The following ATG9A variants were observed in gnomAD, a reference collection of about 807,000 sequenced individuals.
ATG9A encodes autophagy-related protein 9A.
A neutral mutation model predicts 87.1 loss-of-function variants in ATG9A; 21 were observed. That is an observed-to-expected ratio of 0.24 (90% confidence interval 0.17 to 0.35). The LOEUF (loss-of-function observed/expected upper bound fraction) is 0.35, where lower values mean the gene tolerates loss of function less well. ATG9A is among the 10% of genes least tolerant of loss of function. The pLI, the probability that ATG9A is intolerant of heterozygous loss-of-function variation, is 1.00. For synonymous variants in ATG9A, 422 were observed against 441.3 expected (o/e 0.96, Z 0.55); for missense variants, 836 against 1,107.3 (o/e 0.76, Z 3.48).
chr2:219,222,248 C>T lies in ATG9A; in HGVS notation c.2027+24G>A. ...AGCTGCTGAGGGCTGCCGTGCCCTCCCATCTTGGCCCCGATTTACTCACCC... is the reference window on the plus strand; with the variant it reads ...AGCTGCTGAGGGCTGCCGTGCCCTCTCATCTTGGCCCCGATTTACTCACCC... On this transcript the variant is annotated intron_variant, in intron 12 of 15. Transcript: ENST00000361242. The surrounding 1 kb of genome is among the most constrained non-coding windows in gnomAD (Gnocchi z 4.3). 6.2e-7 allele frequency: 1 copy of T among 1,613,486 alleles called. No individual in the cohort carries two copies. The highest frequency in any genetic ancestry group is 1.1e-5 in the South Asian group (1 of 91,068).
rs1574827738 is a variant in ATG9A, at chr2:219,222,527, G to A, written c.1849-77C>T. The A allele has an allele frequency of 9.0e-6, 14 of 1,560,310 alleles. No individual in the cohort carries two copies. In the East Asian group the frequency reaches 2.7e-4, roughly 30 times the overall value. On this transcript the variant is annotated intron_variant, in intron 11 of 15. Coordinates refer to ENST00000361242, the MANE Select transcript of ATG9A (RefSeq NM_001077198.3). This position sits in a 1 kb window ranked among gnomAD's most constrained non-coding sequence, Gnocchi z 4.3. ...GGGTCCCCTAGTATTCTGTATCTCAGGCCCCAGTGGCACATACTGAAGAGA... is the reference window on the plus strand; with the variant it reads ...GGGTCCCCTAGTATTCTGTATCTCAAGCCCCAGTGGCACATACTGAAGAGA...
intron 13 of ATG9A, 146 bp from the exon 14 acceptor site, chr2:219,221,448 A>C: frequency 1.4e-6 from 1 of 707,178 alleles, no homozygotes; most frequent in South Asian, 2.2e-5. Context: ...ATAGTGTGTA[A>C]TATACCTCTG....
In ATG9A at chr2:219,222,488, G is replaced by T; in HGVS notation, c.1849-38C>A. The stretch of plus-strand genomic sequence containing the variant: ...CGGGTAGGTAGAATTCTTGAGGCAA[G>T]AGAAAGGTCTCTGGGGTCCCCTAGT... On this transcript the variant is annotated intron_variant, in intron 11 of 15. Coordinates refer to ENST00000361242, the MANE Select transcript of ATG9A (RefSeq NM_001077198.3). The surrounding 1 kb of genome is among the most constrained non-coding windows in gnomAD (Gnocchi z 4.3). 6.5e-7 allele frequency: 1 copy of T among 1,543,346 alleles called. No homozygotes were observed. Among genetic ancestry groups the T allele is most frequent in the South Asian group, 1.3e-5 (1 of 79,056 alleles).
rs1222985719 is a variant in ATG9A, at chr2:219,220,454, T to C, written c.2515-2A>G. ...AACCCTGCTCAGCCTTGTCTATACC[T>C]GTGGGGAGAAAGGGTTGGTAATGGA... On this transcript the variant is annotated splice_acceptor_variant, in intron 15 of 15. Transcript: ENST00000361242. LOFTEE classifies it high-confidence loss of function. The C allele has an allele frequency of 6.2e-7, 1 of 1,613,636 alleles. No homozygotes were observed. Among genetic ancestry groups the C allele is most frequent in the Non-Finnish European group, 8.5e-7 (1 of 1,179,744 alleles).
In ATG9A at chr2:219,227,935, G is replaced by A. The variant is rs774573448; in HGVS notation, c.90C>T (p.Ala30=). The change falls in exon 3 of 16, where the codon GCC becomes GCT. Residue 30 remains alanine, a synonymous_variant. Transcript: ENST00000361242. ...PGEEDLLVHV[A]EGSKSPWHHI... ...CCAAGAACTCACACTTGCTCCCCTC[G>A]GCGACGTGCACCAACAGGTCCTCCT... 2.0e-5 allele frequency: 33 copies of A among 1,613,914 alleles called. No individual in the cohort carries two copies. Among genetic ancestry groups the A allele is most frequent in the African/African-American group, 5.3e-5 (4 of 74,866 alleles).
rs545980763 is a variant in ATG9A, at chr2:219,222,300, G to A, written c.1999C>T (p.Arg667Trp). The A allele has an allele frequency of 3.0e-5, 48 of 1,613,420 alleles. No homozygotes were observed. In the South Asian group the frequency reaches 4.2e-4, roughly 14 times the overall value. Residue 667 changes from arginine (R) to tryptophan (W), a missense_variant, in exon 12 of 16, where the codon CGG becomes TGG. Physicochemically the swap from Arg to Trp is moderately radical, Grantham distance 101. Coordinates refer to ENST00000361242, the MANE Select transcript of ATG9A (RefSeq NM_001077198.3). The surrounding 1 kb of genome is among the most constrained non-coding windows in gnomAD (Gnocchi z 4.3). ...PLQPGQAPTGRAHSTMTGSGV... is the reference protein window; with the variant it reads ...PLQPGQAPTGWAHSTMTGSGV... ...GAGCCTGTCATGGTGCTGTGAGCCC[G>A]GCCTGTGGGCGCCTGCCCGGGTTGC...
At chr2:219,221,442 T>C (rs969726897) in intron 13 of ATG9A, 140 bp from the exon 14 acceptor site, 36 of 731,126 alleles carry the variant, frequency 4.9e-5, no homozygotes, top group African/African-American at 4.9e-4. Flanking sequence ...ATGTTAATAG[T>C]GTGTAATATA....
At chr2:219,225,680 A>G (rs2106443065) in intron 5 of ATG9A, 108 bp from the exon 6 acceptor site, 1 of 1,266,022 alleles carries the variant, frequency 7.9e-7, no homozygotes, top group Non-Finnish European at 1.1e-6. Context: ...GGGAACTGGA[A>G]GGGCCTGGAG....
At position 219,225,034 on chromosome 2, in the gene ATG9A, T is replaced by C. The variant is rs377360716; in HGVS notation, c.516+37A>G. The C allele has an allele frequency of 1.1e-5, 18 of 1,612,928 alleles. No individual in the cohort carries two copies. The African/African-American group carries it at 2.1e-4, about 19-fold the overall frequency. Reference sequence around the variant, plus strand: ...TACACCCACACCTCCCAATACGTCTTAGACTATGGGCTAACTGCCCAACTT... The same window carrying C: ...TACACCCACACCTCCCAATACGTCTCAGACTATGGGCTAACTGCCCAACTT... On this transcript the variant is annotated intron_variant, in intron 7 of 15. Transcript: ENST00000361242.
rs759788984 is a variant in ATG9A, at chr2:219,226,973, G to C, written c.148-40C>G. ...AAAAAGTAGTCAGTAAAGAAAGCAG[G>C]TAAGAGCACAGACTTTGGTGTCAAC... On this transcript the variant is annotated intron_variant, in intron 4 of 15. Coordinates refer to ENST00000361242, the MANE Select transcript of ATG9A (RefSeq NM_001077198.3). The C allele has an allele frequency of 1.3e-6, 2 of 1,543,644 alleles. 1 individual carries two copies. Among genetic ancestry groups the C allele is most frequent in the South Asian group, 2.2e-5 (2 of 89,632 alleles).
Position 219,222,885 on chromosome 2 carries a change from A to G in ATG9A, c.1608T>C (p.Ser536=). The G allele has an allele frequency of 6.2e-7, 1 of 1,614,052 alleles. No homozygotes were observed. The highest frequency in any genetic ancestry group is 1.3e-5 in the African/African-American group (1 of 75,046). Residue 536 remains serine (S), a synonymous_variant, in exon 11 of 16, where the codon TCT becomes TCC. Transcript: ENST00000361242. This position sits in a 1 kb window ranked among gnomAD's most constrained non-coding sequence, Gnocchi z 4.3. ...ACACTGAGGCCTCTGTCTGCCCAGC[A>G]GATAGCCACTGCACAAGGAAGAGCA... The part of the protein sequence containing the change: ...VRQHGHPQWL[S]AGQTEASVYQ...
Position 219,222,490 on chromosome 2 carries a change from G to T in ATG9A, c.1849-40C>A. The T allele has an allele frequency of 3.2e-6, 5 of 1,543,530 alleles. No individual in the cohort carries two copies. Among genetic ancestry groups the T allele is most frequent in the Non-Finnish European group, 4.4e-6 (5 of 1,146,098 alleles). On this transcript the variant is annotated intron_variant, in intron 11 of 15. Transcript: ENST00000361242. This position sits in a 1 kb window ranked among gnomAD's most constrained non-coding sequence, Gnocchi z 4.3. ...GGTAGGTAGAATTCTTGAGGCAAGA[G>T]AAAGGTCTCTGGGGTCCCCTAGTAT... is the stretch of plus-strand genomic sequence containing the variant.
rs1439030890 is a variant in ATG9A at position 219,222,666 on chromosome 2, C to T, written c.1827G>A (p.Gln609=). 2.5e-6 allele frequency: 4 copies of T among 1,614,194 alleles called. No individual in the cohort carries two copies. In the Admixed American group the frequency reaches 6.7e-5, roughly 27 times the overall value. The part of the protein sequence containing the change: ...LPENALFTSI[Q]SLQSESEPLS... ...ACACCTCAGACTCAGATTGTAAGGA[C>T]TGGATAGACGTAAAGAGGGCATTTT... is the stretch of plus-strand genomic sequence containing the variant. Residue 609 remains glutamine (Q), a synonymous_variant, in exon 11 of 16, where the codon CAG becomes CAA. Transcript: ENST00000361242. The surrounding 1 kb of genome is among the most constrained non-coding windows in gnomAD (Gnocchi z 4.3).
At position 219,224,300 on chromosome 2, in the gene ATG9A, G is replaced by C; in HGVS notation, c.1071C>G (p.Gly357=). The change falls in exon 8 of 16, where the codon GGC becomes GGG. Residue 357 remains glycine, a synonymous_variant. Coordinates refer to ENST00000361242, the MANE Select transcript of ATG9A (RefSeq NM_001077198.3). This position sits in a 1 kb window ranked among gnomAD's most constrained non-coding sequence, Gnocchi z 7.7. ...TCATGTACTTGGAGGCGGGCTTGTA[G>C]CCACGGTTGAGGCGGGACTGCAGCT... ...EHELQSRLNR[G]YKPASKYMNC... 1 of 1,613,970 alleles carries C rather than the reference G, an allele frequency of 6.2e-7. No individual in the cohort carries two copies. The highest frequency in any genetic ancestry group is 8.5e-7 in the Non-Finnish European group (1 of 1,180,056).
Position 219,225,439 on chromosome 2 carries a change from A to C in ATG9A, c.346T>G (p.Phe116Val). The change falls in exon 6 of 16, where the codon TTT becomes GTT. Residue 116 changes from phenylalanine (F) to valine (V), a missense_variant. Physicochemically the swap from Phe to Val is conservative, Grantham distance 50. Around this residue, in one of 2 missense-constraint regions of ATG9A, gnomAD observed 512 missense variants for 759.6 expected, o/e 0.67. Transcript: ENST00000361242. ...EPVKVTLPDA[F>V]LPAQVCSARI... ...GCACTACAGACTTGAGCAGGCAAAA[A>C]GGCGTCTGGCAGAGTGACCTTGACG... 6.2e-7 allele frequency: 1 copy of C among 1,614,216 alleles called. No individual in the cohort carries two copies. Among genetic ancestry groups the C allele is most frequent in the South Asian group, 1.1e-5 (1 of 91,090 alleles).
rs759680279 is a variant in ATG9A at position 219,225,167 on chromosome 2, A to G, written c.420T>C (p.Gly140=). Residue 140 remains glycine, a synonymous_variant, in exon 7 of 16, where the codon GGT becomes GGC. Coordinates refer to ENST00000361242, the MANE Select transcript of ATG9A (RefSeq NM_001077198.3). ...GSLITILVIA[G]VFWIHRLIKF... ...TGATAAGCCGGTGGATCCAGAAGAC[A>G]CCAGCAATGACCAGGATGGTGATAA... 3 of 1,614,156 alleles carry G rather than the reference A, an allele frequency of 1.9e-6. No individual in the cohort carries two copies. Among genetic ancestry groups the G allele is most frequent in the South Asian group, 1.1e-5 (1 of 91,076 alleles).
chr2:219,220,876 G>A lies in ATG9A; in HGVS notation c.2385C>T (p.Pro795=). Residue 795 remains proline, a synonymous_variant, in exon 15 of 16, where the codon CCC becomes CCT. Coordinates refer to ENST00000361242, the MANE Select transcript of ATG9A (RefSeq NM_001077198.3). ...YGGITDPGTV[P]RVPSHFSRLP... is the part of the protein sequence containing the mutation. ...GCCGAGAGAAATGAGAGGGAACCCTGGGCACTGTGCCAGGATCTGGAGAGA... is the reference window on the plus strand; with the variant it reads ...GCCGAGAGAAATGAGAGGGAACCCTAGGCACTGTGCCAGGATCTGGAGAGA... 1 of 1,613,300 alleles carries A rather than the reference G, an allele frequency of 6.2e-7. No homozygotes were observed. The highest frequency in any genetic ancestry group is 1.7e-4 in the Middle Eastern group (1 of 6,048).
chr2:219,221,627 C>A (rs1325061568), intron 13 of ATG9A, among the ~76,000 whole-genome samples: 3 of 152,044 alleles, frequency 2.0e-5, no homozygotes, highest in African/African-American at 7.2e-5. Context: ...GAAATGCCAG[C>A]CCTTGTGAGG....
rs375291866 is a variant in ATG9A at position 219,224,660 on chromosome 2, G to A, written c.711C>T (p.Leu237=). 74 of 1,614,200 alleles carry A rather than the reference G, an allele frequency of 4.6e-5. No individual in the cohort carries two copies. The African/African-American group carries it at 7.2e-4, about 16-fold the overall frequency. Residue 237 remains leucine (L), a synonymous_variant, in exon 8 of 16, where the codon CTC becomes CTT. Coordinates refer to ENST00000361242, the MANE Select transcript of ATG9A (RefSeq NM_001077198.3). This position sits in a 1 kb window ranked among gnomAD's most constrained non-coding sequence, Gnocchi z 7.7. ...LLPLRFRLPG[L]GEAVFFTRGL... Reference sequence around the variant, plus strand: ...CACGGGTGAAGAAGACAGCTTCCCCGAGGCCAGGCAGGCGGAAGCGCAGAG... The same window carrying A: ...CACGGGTGAAGAAGACAGCTTCCCCAAGGCCAGGCAGGCGGAAGCGCAGAG...
Sources: allele counts gnomAD v4.1 joint callset (sites outside exome capture counted in the v4.1 genomes callset), GRCh38; gene constraint gnomAD v4.1.1; regional missense constraint gnomAD v4.1.1; non-coding constraint Gnocchi (gnomAD v3.1); transcripts MANE v1.5; gene names NCBI Gene and HGNC (gene_info 2026-07-23, HGNC 2026-07-21).